PRKD1: variants seen among roughly 807,000 people sequenced by gnomAD.
PRKD1 encodes serine/threonine-protein kinase D1.
A neutral mutation model predicts 95.9 loss-of-function variants in PRKD1; 63 were observed. The observed-to-expected ratio is 0.66, with a 90% CI of 0.54 to 0.81. PRKD1 has a LOEUF of 0.81. Among genes scored for constraint, PRKD1 ranks in the 30% least tolerant of loss-of-function variants. PRKD1 has a pLI of 0.00. For missense variants in PRKD1, 1,048 were observed against 1,165.3 expected, an observed-to-expected ratio of 0.90 and a Z score of 1.47; for synonymous variants, 425 against 423.1, an observed-to-expected ratio of 1.00 and a Z score of -0.05.
chr14:29,823,247 G>T (rs1271714386), intron 1 of PRKD1, among the ~76,000 whole-genome samples: 2 of 152,146 alleles, frequency 1.3e-5, no homozygotes, highest in East Asian at 3.9e-4. Context: ...TTATGCGAAT[G>T]TGTGGTTTGG....
At chr14:29,706,606 C>A (rs1215218137) in intron 2 of PRKD1, among the ~76,000 whole-genome samples, 3 of 152,078 alleles carry the variant, frequency 2.0e-5, no homozygotes, top group African/African-American at 7.2e-5. Context: ...CCAGATGTTG[C>A]ACAAGGCACC....
chr14:29,821,062 G>A (rs114192571), intron 1 of PRKD1, among the ~76,000 whole-genome samples: 2,003 of 152,312 alleles, frequency 0.013, 39 homozygotes, highest in African/African-American at 0.041. Context: ...TGAAATTCGA[G>A]TGTAGTATGC....
chr14:29,896,414 G>A (rs995794675), intron 1 of PRKD1, among the ~76,000 whole-genome samples: 1 of 151,758 alleles, frequency 6.6e-6, no homozygotes, highest in African/African-American at 2.4e-5. Flanking sequence ...CTTAAATGAA[G>A]GTTTATTTTT....
At chr14:29,640,892 C>T (rs1168600433) in intron 4 of PRKD1, among the ~76,000 whole-genome samples, 2 of 152,120 alleles carry the variant, frequency 1.3e-5, no homozygotes, top group Non-Finnish European at 2.9e-5. Context: ...GTAGGCTGTG[C>T]TAACAGAGCC....
chr14:29,786,249 T>C (rs886270226), intron 1 of PRKD1, among the ~76,000 whole-genome samples: 1 of 152,184 alleles, frequency 6.6e-6, no homozygotes, highest in African/African-American at 2.4e-5. Flanking sequence ...TTTCATAATA[T>C]TTTGTTGAGG....
chr14:29,738,832 CTTT>C (rs71443330), intron 1 of PRKD1, among the ~76,000 whole-genome samples: 2 of 137,450 alleles, frequency 1.5e-5, no homozygotes, highest in Admixed American at 7.3e-5. Context: ...TTTCTTTTTT[CTTT>C]TTTTTTTTTT....
At chr14:29,686,268 T>C (rs1279772541) in intron 2 of PRKD1, among the ~76,000 whole-genome samples, 2 of 152,180 alleles carry the variant, frequency 1.3e-5, no homozygotes, top group African/African-American at 2.4e-5. Flanking sequence ...CGATTCTGAC[T>C]GGATGGACTC....
chr14:29,702,523 T>G (rs886840776), intron 2 of PRKD1, among the ~76,000 whole-genome samples: 47 of 152,142 alleles, frequency 3.1e-4, no homozygotes, highest in African/African-American at 9.4e-4. Flanking sequence ...AGATGCAAAA[T>G]TTTCCAATAC....
At position 29,768,157 on chromosome 14, in the gene PRKD1, G is replaced by A. The variant is rs565146964; in HGVS notation, c.265-42483C>T. ...ACACATTGACCCATTAACAGTCACT[G>A]GATGGGTTAATTTCACAACTATAAG... On this transcript the variant is annotated intron_variant, in intron 1 of 17. Coordinates refer to ENST00000331968, the MANE Select transcript of PRKD1 (RefSeq NM_002742.3). Among the ~76,000 whole-genome samples the A allele has an allele frequency of 2.0e-5, 3 of 152,266 alleles. No individual in the cohort carries two copies. In the South Asian group the frequency reaches 6.2e-4, roughly 32 times the overall value.
chr14:29,632,020 A>G (rs1880040304), intron 9 of PRKD1, among the ~76,000 whole-genome samples: 1 of 151,500 alleles, frequency 6.6e-6, no homozygotes, highest in South Asian at 2.1e-4. Context: ...AGGCTGGTCT[A>G]GAACTCCTGA....
At chr14:29,623,498 C>T (rs1879414951) in intron 13 of PRKD1, among the ~76,000 whole-genome samples, 1 of 152,160 alleles carries the variant, frequency 6.6e-6, no homozygotes, top group South Asian at 2.1e-4. Context: ...TCAATGATCT[C>T]AACTGAGTAG....
chr14:29,661,942 T>C (rs1226043795), intron 4 of PRKD1, among the ~76,000 whole-genome samples: 2 of 152,218 alleles, frequency 1.3e-5, no homozygotes, highest in Admixed American at 6.5e-5. Flanking sequence ...AAAAAAATTT[T>C]AATTCACCAT....
chr14:29,845,659 A>C (rs955926685), intron 1 of PRKD1, among the ~76,000 whole-genome samples: 3 of 152,216 alleles, frequency 2.0e-5, no homozygotes, highest in Non-Finnish European at 2.9e-5. Context: ...AACTAAAAAA[A>C]ATCACTACCC....
At chr14:29,601,731 T>C (rs1210403644) in intron 13 of PRKD1, among the ~76,000 whole-genome samples, 4 of 152,206 alleles carry the variant, frequency 2.6e-5, no homozygotes, top group Admixed American at 2.6e-4. Context: ...TATGACGACA[T>C]ACACTTGTTT....
chr14:29,633,568 A>G (rs921649871), intron 8 of PRKD1, among the ~76,000 whole-genome samples: 1 of 152,200 alleles, frequency 6.6e-6, no homozygotes, highest in African/African-American at 2.4e-5. Context: ...AGGTCCTTCT[A>G]CACTGTAGGT....
At chr14:29,813,047 T>C (rs1473859984) in intron 1 of PRKD1, among the ~76,000 whole-genome samples, 1 of 151,988 alleles carries the variant, frequency 6.6e-6, no homozygotes, top group Non-Finnish European at 1.5e-5. Flanking sequence ...GAGGTGGAGG[T>C]TGCAGTGAGC....
chr14:29,666,959 C>T (rs759204903), intron 2 of PRKD1, among the ~76,000 whole-genome samples: 5 of 152,100 alleles, frequency 3.3e-5, no homozygotes, highest in Non-Finnish European at 5.9e-5. Context: ...TATTAAAATC[C>T]ATTTTTATTA....
chr14:29,914,047 A>G (rs1462286503), intron 1 of PRKD1, among the ~76,000 whole-genome samples: 1 of 152,230 alleles, frequency 6.6e-6, no homozygotes, highest in Non-Finnish European at 1.5e-5. Context: ...ACTTTACTGT[A>G]TGCTATGCAG....
chr14:29,625,672 C>T (rs553795672), intron 12 of PRKD1, among the ~76,000 whole-genome samples: 1 of 152,178 alleles, frequency 6.6e-6, no homozygotes, highest in Admixed American at 6.5e-5. Context: ...TCAAAGAAAT[C>T]ACTGGAGCAT....
Sources: gnomAD v4.1 joint callset for allele counts (sites outside exome capture counted in the v4.1 genomes callset) on GRCh38, gnomAD v4.1.1 for gene constraint, MANE v1.5 for transcripts, NCBI Gene and HGNC (gene_info 2026-07-23, HGNC 2026-07-21) for gene names.